The following NUDCD3 variants were observed in gnomAD, a reference collection of about 807,000 sequenced individuals.
NUDCD3 encodes nudC domain-containing protein 3.
NUDCD3 carries 13 observed loss-of-function variants against 39.7 expected under a neutral mutation model. The observed-to-expected ratio is 0.33, with a 90% CI of 0.21 to 0.52. The LOEUF (loss-of-function observed/expected upper bound fraction) is 0.52, where lower values mean the gene tolerates loss of function less well. Ranked by LOEUF, NUDCD3 falls within the 20% of genes least tolerant of loss-of-function variation. NUDCD3 has a pLI of 0.96. For synonymous variants in NUDCD3, 175 were observed against 172.4 expected (o/e 1.02, Z -0.12); for missense variants, 453 against 458.1 (o/e 0.99, Z 0.10).
At chr7:44,404,919 A>G (rs1269079418) in intron 3 of NUDCD3, among the ~76,000 whole-genome samples, 1 of 152,202 alleles carries the variant, frequency 6.6e-6, no homozygotes, top group Non-Finnish European at 1.5e-5. Flanking sequence ...CAGAGGAGAC[A>G]AGTGGTATTT....
intron 4 of NUDCD3, among the ~76,000 whole-genome samples, chr7:44,394,684 C>A (rs1329907993): frequency 6.6e-6 from 1 of 152,212 alleles, no homozygotes; most frequent in Admixed American, 6.5e-5. Flanking sequence ...TGAGGACAAA[C>A]CCTTGGAAGT....
At chr7:44,480,182 A>C (rs1800457668) in intron 2 of NUDCD3, among the ~76,000 whole-genome samples, 2 of 152,254 alleles carry the variant, frequency 1.3e-5, no homozygotes, top group African/African-American at 2.4e-5. Context: ...GAATTTTAAA[A>C]TAGGGTCTCT....
intron 2 of NUDCD3, among the ~76,000 whole-genome samples, chr7:44,470,100 G>T (rs6960714): frequency 0.15 from 23,121 of 152,220 alleles, 1,966 homozygotes; most frequent in Non-Finnish European, 0.19. Context: ...AAGAGCATAT[G>T]TGAGAATTCT....
intron 3 of NUDCD3, among the ~76,000 whole-genome samples, chr7:44,406,215 C>A (rs763747967): frequency 6.6e-6 from 1 of 152,242 alleles, no homozygotes; most frequent in Non-Finnish European, 1.5e-5. Context: ...ACAGGCGGCT[C>A]TGCCAGGTTC....
Position 44,379,420 on chromosome 7 carries a change from G to T in NUDCD3, c.*6591C>A, listed in dbSNP as rs1477089012. 1 of 152,178 alleles carries T rather than the reference G, an allele frequency of 6.6e-6. No homozygotes were observed. The highest frequency in any genetic ancestry group is 1.5e-5 in the Non-Finnish European group (1 of 68,082). The allele number at this position is 152,178 out of a possible 1,614,324, so 9.4% of individuals were successfully genotyped here. Reference sequence around the variant, plus strand: ...ACAGGGGACAGGGGTGGTCACAGGAGTCCTAGCTGCTCTGAAGTCGTGAGT... The same window carrying T: ...ACAGGGGACAGGGGTGGTCACAGGATTCCTAGCTGCTCTGAAGTCGTGAGT... On this transcript the variant is annotated 3_prime_UTR_variant, in exon 6 of 6. Coordinates refer to ENST00000355451, the MANE Select transcript of NUDCD3 (RefSeq NM_015332.4).
Position 44,455,259 on chromosome 7 carries a change from T to C in NUDCD3, c.510-27556A>G, listed in dbSNP as rs544104814. Among the ~76,000 whole-genome samples, 5 of 152,222 alleles carry C rather than the reference T, an allele frequency of 3.3e-5. No individual in the cohort carries two copies. The East Asian group carries it at 9.6e-4, about 29-fold the overall frequency. On this transcript the variant is annotated intron_variant, in intron 2 of 5. Coordinates refer to ENST00000355451, the MANE Select transcript of NUDCD3 (RefSeq NM_015332.4). ...TATCTCGTAGCTGAAGTCAATCACA[T>C]GCTTCTTATGTGCATAAAGAGCAAC...
intron 3 of NUDCD3, among the ~76,000 whole-genome samples, chr7:44,408,113 T>C (rs1238801631): frequency 6.6e-6 from 1 of 151,940 alleles, no homozygotes; most frequent in Non-Finnish European, 1.5e-5. Flanking sequence ...TTACACAGAG[T>C]GTAAGAAGAT....
chr7:44,456,160 T>C (rs1325682452), intron 2 of NUDCD3, among the ~76,000 whole-genome samples: 2 of 144,694 alleles, frequency 1.4e-5, no homozygotes, highest in Admixed American at 1.4e-4. Context: ...TTAGAGAACA[T>C]AGCCGAGGAA....
At chr7:44,484,904 T>G (rs1401294896) in intron 2 of NUDCD3, 64 bp downstream of exon 2, 3 of 1,220,014 alleles carry the variant, frequency 2.5e-6, no homozygotes, top group Admixed American at 2.3e-5. Flanking sequence ...GAATAAATTA[T>G]GGAGAAACCC....
At chr7:44,430,401 G>C (rs1475470695) in intron 2 of NUDCD3, among the ~76,000 whole-genome samples, 1 of 152,146 alleles carries the variant, frequency 6.6e-6, no homozygotes, top group Non-Finnish European at 1.5e-5. Context: ...ACATAAATAT[G>C]CTTAAACATG....
Position 44,392,433 on chromosome 7 carries a change from T to G in NUDCD3, c.839A>C (p.Glu280Ala). ...GATCTTGTCAATGTCGATGGGCTCT[T>G]CTCCCTCCAGGATGGCGTTCCACCA... The part of the protein sequence containing the change: ...EYWWNAILEG[E>A]EPIDIDKINK... The change falls in exon 5 of 6, where the codon GAA becomes GCA. Residue 280 changes from glutamate (E) to alanine (A), a missense_variant. Transcript: ENST00000355451. 6.2e-7 allele frequency: 1 copy of G among 1,614,094 alleles called. No homozygotes were observed. The highest frequency in any genetic ancestry group is 8.5e-7 in the Non-Finnish European group (1 of 1,180,002).
At chr7:44,465,286 G>A (rs895218562) in intron 2 of NUDCD3, among the ~76,000 whole-genome samples, 1 of 152,142 alleles carries the variant, frequency 6.6e-6, no homozygotes, top group Non-Finnish European at 1.5e-5. Flanking sequence ...CAGAAATGAG[G>A]CTGAGAGAAT....
rs1006844835 is a variant in NUDCD3 at position 44,384,493 on chromosome 7, T to A, written c.*1518A>T. The stretch of plus-strand genomic sequence containing the variant: ...TCCTGTGATGATCGGAGCAACATGT[T>A]TGGACCCACAGAAGACTTCCCAGGA... On this transcript the variant is annotated 3_prime_UTR_variant, in exon 6 of 6. Coordinates refer to ENST00000355451, the MANE Select transcript of NUDCD3 (RefSeq NM_015332.4). 6 of 152,108 alleles carry A rather than the reference T, an allele frequency of 3.9e-5. No homozygotes were observed. Among genetic ancestry groups the A allele is most frequent in the African/African-American group, 1.4e-4 (6 of 41,392 alleles). The allele number at this position is 152,108 out of a possible 1,614,324, so 9.4% of individuals were successfully genotyped here. A position where few individuals can be genotyped will look rare whatever the true frequency, so the allele number is the denominator to read the frequency against.
At chr7:44,446,820 G>C (rs999272668) in intron 2 of NUDCD3, among the ~76,000 whole-genome samples, 1 of 152,152 alleles carries the variant, frequency 6.6e-6, no homozygotes, top group Non-Finnish European at 1.5e-5. Flanking sequence ...GGCAGAACTA[G>C]ATACTCCATC....
chr7:44,449,673 A>G (rs1019228720), intron 2 of NUDCD3, among the ~76,000 whole-genome samples: 1 of 152,198 alleles, frequency 6.6e-6, no homozygotes, highest in African/African-American at 2.4e-5. Flanking sequence ...CCATACACAC[A>G]CAAAAAAGGA....
chr7:44,417,899 G>A (rs1799057732), intron 3 of NUDCD3, among the ~76,000 whole-genome samples: 1 of 152,258 alleles, frequency 6.6e-6, no homozygotes, highest in South Asian at 2.1e-4. Context: ...GATGTGGGGT[G>A]GGAAGAAGGG....
At chr7:44,469,880 C>T (rs1017795583) in intron 2 of NUDCD3, among the ~76,000 whole-genome samples, 6 of 151,410 alleles carry the variant, frequency 4.0e-5, no homozygotes, top group Non-Finnish European at 7.4e-5. Flanking sequence ...CTTTAACTGT[C>T]AAGGTCATGA....
chr7:44,431,315 C>T (rs1240835413), intron 2 of NUDCD3, among the ~76,000 whole-genome samples: 1 of 152,164 alleles, frequency 6.6e-6, no homozygotes, highest in Non-Finnish European at 1.5e-5. Context: ...CTGCAGCTCC[C>T]ACTCCTGATG....
chr7:44,461,948 G>A (rs1418569785), intron 2 of NUDCD3, among the ~76,000 whole-genome samples: 2 of 152,188 alleles, frequency 1.3e-5, no homozygotes, highest in Non-Finnish European at 2.9e-5. Context: ...GGATGGGACA[G>A]TGTTCAAGTG....
Sources: gnomAD v4.1 joint callset for allele counts (sites outside exome capture counted in the v4.1 genomes callset) on GRCh38, gnomAD v4.1.1 for gene constraint, MANE v1.5 for transcripts, NCBI Gene and HGNC (gene_info 2026-07-23, HGNC 2026-07-21) for gene names.